The following ZC3HC1 variants were observed in gnomAD, a reference collection of about 807,000 sequenced individuals.
ZC3HC1 encodes zinc finger C3HC-type containing 1.
ZC3HC1 carries 38 observed loss-of-function variants against 61.9 expected under a neutral mutation model. The observed-to-expected ratio is 0.61, with a 90% CI of 0.47 to 0.81. The LOEUF is 0.81. ZC3HC1 is among the 30% of genes least tolerant of loss of function. The pLI, the probability that ZC3HC1 is intolerant of heterozygous loss-of-function variation, is 0.00. For missense variants in ZC3HC1, 554 were observed against 622.7 expected, an observed-to-expected ratio of 0.89 and a Z score of 1.17; for synonymous variants, 213 against 229.9, an observed-to-expected ratio of 0.93 and a Z score of 0.67.
intron 1 of ZC3HC1, among the ~76,000 whole-genome samples, chr7:130,050,105 T>A (rs1795018321): frequency 1.3e-5 from 2 of 151,694 alleles, no homozygotes; most frequent in African/African-American, 4.8e-5. Flanking sequence ...AGAGACGGAG[T>A]CTCACTCTGT....
chr7:130,019,344 C>T (rs981326923), intron 9 of ZC3HC1, among the ~76,000 whole-genome samples: 4 of 152,058 alleles, frequency 2.6e-5, no homozygotes, highest in African/African-American at 9.7e-5. Context: ...CCACCACGCC[C>T]GGCCTGCACT....
Position 130,050,191 on chromosome 7 carries a change from C to T in ZC3HC1, c.146+1030G>A, listed in dbSNP as rs551997228. Among the ~76,000 whole-genome samples the T allele has an allele frequency of 2.7e-4, 41 of 152,248 alleles. No individual in the cohort carries two copies. The South Asian group carries it at 8.5e-3, about 32-fold the overall frequency. On this transcript the variant is annotated intron_variant, in intron 1 of 9. Transcript: ENST00000358303. ...CTCCCAGGTTCAACCAATTCTCCTG[C>T]CTCAGCCTCCCGAGTAGCTGGGACT...
intron 6 of ZC3HC1, among the ~76,000 whole-genome samples, chr7:130,025,861 A>C: frequency 1.2e-5 from 1 of 85,658 alleles, no homozygotes. Context: ...ACAGAATGAG[A>C]CTCCGTCTCA....
chr7:130,018,407 C>T lies in ZC3HC1; in HGVS notation c.*257G>A, dbSNP rs998033265. The T allele has an allele frequency of 4.8e-6, 2 of 412,664 alleles. No homozygotes were observed. The highest frequency in any genetic ancestry group is 2.0e-5 in the African/African-American group (1 of 50,902). The allele number at this position is 412,664 out of a possible 1,614,324, so 25.6% of individuals were successfully genotyped here. ...GGTGGTCAGGTCCTTAGTCTTCCTT[C>T]TAGTCTGTTAATCCCACACTCCTTT... On this transcript the variant is annotated 3_prime_UTR_variant, in exon 10 of 10. Transcript: ENST00000358303.
Position 130,041,178 on chromosome 7 carries a change from A to G in ZC3HC1, c.259-77T>C, listed in dbSNP as rs201585983. ...TATGTGTGTGTGTGTGTGTGTGTGT[A>G]TACACATACTGTTTTTTTTTTGTTT... is the stretch of plus-strand genomic sequence containing the variant. On this transcript the variant is annotated intron_variant, in intron 2 of 9. Coordinates refer to ENST00000358303, the MANE Select transcript of ZC3HC1 (RefSeq NM_016478.5). The G allele has an allele frequency of 1.3e-5, 12 of 901,896 alleles. No individual in the cohort carries two copies. The Admixed American group carries it at 1.6e-4, about 12-fold the overall frequency. The allele number at this position is 901,896 out of a possible 1,614,324, so 55.9% of individuals were successfully genotyped here.
chr7:130,042,832 G>A (rs975346007), intron 2 of ZC3HC1, among the ~76,000 whole-genome samples: 2 of 152,016 alleles, frequency 1.3e-5, no homozygotes, highest in Non-Finnish European at 2.9e-5. Flanking sequence ...ATAGGCGTGC[G>A]CCACCATGCC....
chr7:130,039,401 G>C (rs1329271913), intron 4 of ZC3HC1, 63 bp downstream of exon 4: 1 of 1,318,518 alleles, frequency 7.6e-7, no homozygotes, highest in Non-Finnish European at 1.1e-6. Flanking sequence ...TTCACAAACA[G>C]ACAATATTAG....
At chr7:130,029,706 C>T (rs979829688) in intron 4 of ZC3HC1, among the ~76,000 whole-genome samples, 3 of 152,012 alleles carry the variant, frequency 2.0e-5, no homozygotes, top group African/African-American at 7.2e-5. Flanking sequence ...TATACTATTC[C>T]GTGTACTTCT....
intron 9 of ZC3HC1, among the ~76,000 whole-genome samples, chr7:130,018,980 T>C (rs1793497218): frequency 6.6e-6 from 1 of 152,126 alleles, no homozygotes; most frequent in Non-Finnish European, 1.5e-5. Context: ...CATCTGTATC[T>C]GTCCTCATCT....
intron 6 of ZC3HC1, among the ~76,000 whole-genome samples, chr7:130,024,855 C>CCAACAACAA (rs138575332): frequency 1.1e-4 from 15 of 138,260 alleles, no homozygotes; most frequent in African/African-American, 1.3e-4. Context: ...ACCAGCCTGA[C>CCAACAACAA]CAACAACAAC....
At chr7:130,026,102 A>T (rs536914858) in intron 6 of ZC3HC1, 56 bp downstream of exon 6, 6 of 1,547,714 alleles carry the variant, frequency 3.9e-6, no homozygotes, top group Non-Finnish European at 5.3e-6. Context: ...ACTGATATAT[A>T]TGGGTGTAAT....
chr7:130,029,243 G>A (rs893495684), intron 4 of ZC3HC1, among the ~76,000 whole-genome samples: 14 of 151,902 alleles, frequency 9.2e-5, no homozygotes, highest in East Asian at 1.9e-4. Flanking sequence ...GCATGGTGGC[G>A]CGTGCCTGTA....
intron 3 of ZC3HC1, among the ~76,000 whole-genome samples, chr7:130,040,517 A>AAAG: frequency 6.6e-6 from 1 of 150,872 alleles, no homozygotes; most frequent in Non-Finnish European, 1.5e-5. Flanking sequence ...AAAAAAAAAA[A>AAAG]AAGACTGGCC....
At chr7:130,036,265 C>A (rs1467424759) in intron 4 of ZC3HC1, among the ~76,000 whole-genome samples, 2 of 152,092 alleles carry the variant, frequency 1.3e-5, no homozygotes, top group Non-Finnish European at 2.9e-5. Context: ...CGCCTGTAAT[C>A]CCAGCACTTT....
chr7:130,051,411 G>A, upstream of ZC3HC1: 1 of 1,609,992 alleles, frequency 6.2e-7, no homozygotes, highest in Non-Finnish European at 8.5e-7. Context: ...TGAAGGCTCC[G>A]GAACTTCCGT....
chr7:130,044,078 C>CTG (rs1271026181), intron 2 of ZC3HC1, among the ~76,000 whole-genome samples: 1 of 151,898 alleles, frequency 6.6e-6, no homozygotes, highest in Non-Finnish European at 1.5e-5. Flanking sequence ...ATGTGTGTGT[C>CTG]TGTGTGTGTG....
At chr7:130,032,668 T>TGGAAGGAAGGAAGGAAGGAAGGAA (rs374532483) in intron 4 of ZC3HC1, among the ~76,000 whole-genome samples, 7 of 58,062 alleles carry the variant, frequency 1.2e-4, no homozygotes, top group East Asian at 1.2e-3. Flanking sequence ...ATAGAAGAAA[T>TGGAAGGAAGGAAGGAAGGAAGGAA]GGAAGGAAGG....
chr7:130,050,663 T>C (rs1441976681), intron 1 of ZC3HC1, among the ~76,000 whole-genome samples: 1 of 152,192 alleles, frequency 6.6e-6, no homozygotes, highest in Non-Finnish European at 1.5e-5. Flanking sequence ...GTTCCCACAT[T>C]ATGGTGGTTG....
At position 130,028,953 on chromosome 7, in the gene ZC3HC1, A is replaced by T. The variant is rs1794052646; in HGVS notation, c.570T>A (p.Cys190Ter). 3 of 1,613,870 alleles carry T rather than the reference A, an allele frequency of 1.9e-6. No homozygotes were observed. The African/African-American group carries it at 4.0e-5, about 22-fold the overall frequency. Residue 190 changes from cysteine to a stop codon, truncating the protein, a stop_gained, in exon 5 of 10, where the codon TGT becomes TGA. Coordinates refer to ENST00000358303, the MANE Select transcript of ZC3HC1 (RefSeq NM_016478.5). LOFTEE classifies it high-confidence loss of function. ...SEFLDRFQSLCHLDLQLPSLR... is the reference protein window; with the variant it reads ...SEFLDRFQSL ...GGGAAGGAAGCTGGAGGTCCAAGTGACAAAGGCTTTGAAAACGATCTAGGA... is the reference window on the plus strand; with the variant it reads ...GGGAAGGAAGCTGGAGGTCCAAGTGTCAAAGGCTTTGAAAACGATCTAGGA...
Sources: allele counts gnomAD v4.1 joint callset (sites outside exome capture counted in the v4.1 genomes callset), GRCh38; gene constraint gnomAD v4.1.1; transcripts MANE v1.5; gene names NCBI Gene and HGNC (gene_info 2026-07-23, HGNC 2026-07-21).